The following ZRSR2 variants were observed in gnomAD, a reference collection of about 807,000 sequenced individuals.
ZRSR2 encodes U2 small nuclear ribonucleoprotein auxiliary factor 35 kDa subunit-related protein 2.
In ZRSR2, 3 loss-of-function variants were observed where a neutral mutation model predicts 39.4. The observed-to-expected ratio is 0.08, with a 90% confidence interval of 0.03 to 0.20. The LOEUF (loss-of-function observed/expected upper bound fraction) is 0.20. Ranked by LOEUF, ZRSR2 falls within the 10% of genes least tolerant of loss-of-function variation. The pLI is 1.00. For synonymous variants in ZRSR2, 137 were observed against 136.0 expected (o/e 1.01, Z -0.05); for missense variants, 256 against 391.5 (o/e 0.65, Z 2.92).
At chrX:15,814,539 G>A (rs1430534276) in intron 7 of ZRSR2, among the ~76,000 whole-genome samples, 1 of 112,270 alleles carries the variant, frequency 8.9e-6, no homozygotes, top group African/African-American at 3.2e-5. Flanking sequence ...TGAGGCAGAA[G>A]GATCACTTGA....
chrX:15,809,614 G>T (rs941163086), intron 7 of ZRSR2, among the ~76,000 whole-genome samples: 11 of 112,073 alleles, frequency 9.8e-5, no homozygotes, highest in Non-Finnish European at 1.7e-4. Flanking sequence ...GCTTGCATTA[G>T]TCCATGGTGG....
At chrX:15,793,924 C>T (rs1278731740) in intron 2 of ZRSR2, among the ~76,000 whole-genome samples, 1 of 112,441 alleles carries the variant, frequency 8.9e-6, no homozygotes, top group Non-Finnish European at 1.9e-5. Flanking sequence ...ATGAGAGTGC[C>T]TTGGCAAATG....
At chrX:15,803,961 A>G (rs1932752046) in intron 4 of ZRSR2, 150 bp from the exon 5 acceptor site, 2 of 951,489 alleles carry the variant, frequency 2.1e-6, no homozygotes, top group East Asian at 6.9e-5. Context: ...AAAAAAAAAA[A>G]GAGTTGCCTA....
intron 1 of ZRSR2, 147 bp from the exon 2 acceptor site, chrX:15,790,787 T>C (rs1265013402): frequency 1.7e-6 from 1 of 605,953 alleles, no homozygotes; most frequent in Non-Finnish European, 2.6e-6. Context: ...CGATGATAGA[T>C]GGCTGTTCTG....
At chrX:15,803,547 C>T (rs1272439297) in intron 3 of ZRSR2, 141 bp from the exon 4 acceptor site, 7 of 762,141 alleles carry the variant, frequency 9.2e-6, no homozygotes, top group South Asian at 3.2e-5. Flanking sequence ...CGTTCTCTTA[C>T]ACCCACTTGA....
intron 5 of ZRSR2, among the ~76,000 whole-genome samples, chrX:15,804,787 G>A (rs1179373082): frequency 9.0e-6 from 1 of 111,106 alleles, no homozygotes; most frequent in African/African-American, 3.3e-5. Flanking sequence ...TGAGGAACTA[G>A]GAAACAGTTT....
chrX:15,822,706 C>A, intron 10 of ZRSR2, 25 bp from the exon 11 acceptor site: 4 of 1,211,497 alleles, frequency 3.3e-6, no homozygotes, highest in Non-Finnish European at 4.5e-6. Context: ...GTGATAAGTG[C>A]TGTTTCATCA....
At chrX:15,817,180 A>C (rs1436966830) in intron 8 of ZRSR2, among the ~76,000 whole-genome samples, 2 of 111,974 alleles carry the variant, frequency 1.8e-5, no homozygotes, top group African/African-American at 6.5e-5. Context: ...GTTAATGGAA[A>C]TTGCACCCTT....
intron 8 of ZRSR2, among the ~76,000 whole-genome samples, chrX:15,816,841 C>G (rs1932986642): frequency 8.9e-6 from 1 of 112,199 alleles, no homozygotes. Context: ...TATCAACCGA[C>G]TTCAAGATTT....
chrX:15,815,714 A>T lies in ZRSR2; in HGVS notation c.595A>T (p.Thr199Ser). 8.3e-7 allele frequency: 1 copy of T among 1,209,694 alleles called. No individual in the cohort carries two copies. The highest frequency in any genetic ancestry group is 1.1e-6 in the Non-Finnish European group (1 of 894,268). The change falls in exon 8 of 11, where the codon ACC becomes TCC. Residue 199 changes from threonine to serine, a missense_variant. Physicochemically the swap from Thr to Ser is moderately conservative, Grantham distance 58 (BLOSUM62 1). Around this residue, in one of 3 missense-constraint regions of ZRSR2, gnomAD observed 58 missense variants for 163.1 expected, o/e 0.36. Coordinates refer to ENST00000307771, the MANE Select transcript of ZRSR2 (RefSeq NM_005089.4). ...ACATAATTTCCCAACATCCAGTCCTACCCTTCTTATTAAGAGCATGTTTAC... is the reference window on the plus strand; with the variant it reads ...ACATAATTTCCCAACATCCAGTCCTTCCCTTCTTATTAAGAGCATGTTTAC... ...RKHNFPTSSP[T>S]LLIKSMFTTF...
intron 7 of ZRSR2, among the ~76,000 whole-genome samples, chrX:15,814,949 A>G (rs773609071): frequency 6.9e-4 from 77 of 112,386 alleles, no homozygotes; most frequent in African/African-American, 2.3e-3. Flanking sequence ...TGACGATTGT[A>G]CAGAACCAGG....
intron 2 of ZRSR2, among the ~76,000 whole-genome samples, chrX:15,799,453 CTTT>C (rs781082388): frequency 2.1e-5 from 2 of 93,512 alleles, no homozygotes; most frequent in African/African-American, 4.1e-5. Context: ...CCCCCACCAC[CTTT>C]TTTTTTTTTT....
At position 15,809,156 on chromosome X, in the gene ZRSR2, A is replaced by C. The variant is rs189467064; in HGVS notation, c.439-44A>C. On this transcript the variant is annotated intron_variant, in intron 6 of 10. Transcript: ENST00000307771. ...TATACTTTGAAACATTTCGTCTTTC[A>C]TGGGTTTTTACTCCACCAGTAAAGT... 5.5e-6 allele frequency: 5 copies of C among 916,498 alleles called. No homozygotes were observed. In the South Asian group the frequency reaches 1.0e-4, roughly 19 times the overall value. 75.5% of individuals were successfully genotyped at this position (916,498 alleles called of 1,213,427 possible). A position where few individuals can be genotyped will look rare whatever the true frequency, so the allele number is the denominator to read the frequency against.
chrX:15,805,801 G>GA (rs1932773393), intron 5 of ZRSR2, among the ~76,000 whole-genome samples: 1 of 109,460 alleles, frequency 9.1e-6, no homozygotes, highest in East Asian at 2.8e-4. Context: ...CGTGGTGATG[G>GA]GCGCCTGTAG....
Position 15,823,029 on chromosome X carries a change from A to C in ZRSR2, c.1236A>C (p.Ser412=). 1 of 1,212,197 alleles carries C rather than the reference A, an allele frequency of 8.2e-7. No homozygotes were observed. Residue 412 remains serine (S), a synonymous_variant, in exon 11 of 11, where the codon TCA becomes TCC. Transcript: ENST00000307771. ...HRGKKSHKRT[S]KSRERHNSRS... ...GGAAGAAATCTCACAAACGCACATC[A>C]AAGAGTCGGGAGAGGCACAATTCAC...
intron 7 of ZRSR2, among the ~76,000 whole-genome samples, chrX:15,814,737 A>G (rs1932937375): frequency 8.9e-6 from 1 of 111,901 alleles, no homozygotes; most frequent in Admixed American, 9.5e-5. Context: ...GACTTGGGCA[A>G]GTGTGCTTTT....
At chrX:15,812,763 A>G (rs1430894951) in intron 7 of ZRSR2, among the ~76,000 whole-genome samples, 1 of 111,940 alleles carries the variant, frequency 8.9e-6, no homozygotes, top group Non-Finnish European at 1.9e-5. Context: ...AAGGAAAGGA[A>G]GAGAAAGTGA....
In ZRSR2 at chrX:15,810,852, A is replaced by AT. The variant is rs1047900791; in HGVS notation, c.557+1535dup. 3.9e-5 allele frequency among the ~76,000 whole-genome samples: 4 copies of AT among 103,476 alleles called. No individual in the cohort carries two copies. The Admixed American group carries it at 4.2e-4, about 11-fold the overall frequency. 89.9% of individuals were successfully genotyped at this position (103,476 alleles called of 115,157 possible). A position where few individuals can be genotyped will look rare whatever the true frequency, so the allele number is the denominator to read the frequency against. ...GGCAACATGGTAAAACCTGGTATCT[A>AT]TAAAAAAAAAAAAGTAAAATAAATA... On this transcript the variant is annotated intron_variant, in intron 7 of 10. Transcript: ENST00000307771.
At position 15,791,012 on chromosome X, in the gene ZRSR2, A is replaced by C; in HGVS notation, c.120A>C (p.Ser40=). ...RRQELARLRD[S]GLSQKEEEED... is the part of the protein sequence containing the mutation. Reference sequence around the variant, plus strand: ...AGGAACTTGCTCGACTGAGAGACTCAGGTGATGGACTCTTTATTCTGTTTT... The same window carrying C: ...AGGAACTTGCTCGACTGAGAGACTCCGGTGATGGACTCTTTATTCTGTTTT... The change falls in exon 2 of 11, where the codon TCA becomes TCC. Residue 40 remains serine (S), a splice_region_variant and synonymous_variant. Transcript: ENST00000307771. 3.3e-6 allele frequency: 4 copies of C among 1,204,159 alleles called. No homozygotes were observed. The highest frequency in any genetic ancestry group is 4.5e-6 in the Non-Finnish European group (4 of 888,734).
Sources: allele counts gnomAD v4.1 joint callset (sites outside exome capture counted in the v4.1 genomes callset), GRCh38; gene constraint gnomAD v4.1.1; regional missense constraint gnomAD v4.1.1; transcripts MANE v1.5; gene names NCBI Gene and HGNC (gene_info 2026-07-23, HGNC 2026-07-21).